The following KIAA1549 variants were observed in gnomAD, a reference collection of about 807,000 sequenced individuals.
The protein encoded by KIAA1549 is UPF0606 protein KIAA1549.
A neutral mutation model predicts 156.4 loss-of-function variants in KIAA1549; 70 were observed. That is an observed-to-expected ratio of 0.45 (90% CI 0.37 to 0.55). The LOEUF (loss-of-function observed/expected upper bound fraction) is 0.55. Ranked by LOEUF, KIAA1549 falls within the 20% of genes least tolerant of loss-of-function variation. KIAA1549 has a pLI of 0.00. For missense variants in KIAA1549, 2,428 were observed against 2,540.9 expected (o/e 0.96, Z 0.96); for synonymous variants, 1,103 against 1,066.4 (o/e 1.03, Z -0.67).
In KIAA1549 at chr7:138,866,960, G is replaced by A. The variant is rs1027627526; in HGVS notation, c.4929+1015C>T. Among the ~76,000 whole-genome samples, 3 of 151,546 alleles carry A rather than the reference G, an allele frequency of 2.0e-5. No homozygotes were observed. In the East Asian group the frequency reaches 5.8e-4, roughly 29 times the overall value. ...TGGGATTACAGGCATGCACCACCACGCCTGGCTAATTTCTGTATTTTTTGG... is the reference window on the plus strand; with the variant it reads ...TGGGATTACAGGCATGCACCACCACACCTGGCTAATTTCTGTATTTTTTGG... On this transcript the variant is annotated intron_variant, in intron 15 of 19. Coordinates refer to ENST00000422774, the MANE Select transcript of KIAA1549 (RefSeq NM_001164665.2).
intron 17 of KIAA1549, among the ~76,000 whole-genome samples, chr7:138,849,338 G>A (rs1226078480): frequency 1.3e-5 from 2 of 151,718 alleles, no homozygotes; most frequent in Admixed American, 6.6e-5. Context: ...TCAATGCTTA[G>A]ATCACTGATT....
chr7:138,856,289 C>T (rs1810390571), intron 16 of KIAA1549, among the ~76,000 whole-genome samples: 2 of 151,748 alleles, frequency 1.3e-5, no homozygotes, highest in Non-Finnish European at 2.9e-5. Flanking sequence ...CCACCCACAT[C>T]GGCCTCCCAC....
At position 138,852,277 on chromosome 7, in the gene KIAA1549, A is replaced by G. The variant is rs776049014; in HGVS notation, c.5248-8T>C. ...TCCATAGTCTTCGTATCTCTGGAAG[A>G]CATACAAAAGAACATGAAGATTAAT... On this transcript the variant is annotated splice_region_variant and splice_polypyrimidine_tract_variant and intron_variant, in intron 16 of 19. Transcript: ENST00000422774. The G allele has an allele frequency of 1.3e-5, 20 of 1,594,852 alleles. No individual in the cohort carries two copies. Among genetic ancestry groups the G allele is most frequent in the Non-Finnish European group, 1.7e-5 (20 of 1,167,018 alleles).
chr7:138,912,176 G>A (rs992560092), intron 3 of KIAA1549, among the ~76,000 whole-genome samples, 196 bp downstream of exon 3: 2 of 152,208 alleles, frequency 1.3e-5, no homozygotes, highest in African/African-American at 4.8e-5. Context: ...CCTCATGTGG[G>A]ATCAGGAAAG....
intron 3 of KIAA1549, 43 bp downstream of exon 3, chr7:138,912,329 C>T (rs1180761978): frequency 1.2e-5 from 17 of 1,456,750 alleles, no homozygotes; most frequent in Non-Finnish European, 1.5e-5. Context: ...CACATCAGCC[C>T]CAGTCTCACC....
At position 138,835,160 on chromosome 7, in the gene KIAA1549, G is replaced by A. The variant is rs1252316891; in HGVS notation, c.*2746C>T. 5 of 219,552 alleles carry A rather than the reference G, an allele frequency of 2.3e-5. No homozygotes were observed. The highest frequency in any genetic ancestry group is 1.4e-3 in the Middle Eastern group (1 of 716). The allele number at this position is 219,552 out of a possible 1,614,324, so 13.6% of individuals were successfully genotyped here. On this transcript the variant is annotated 3_prime_UTR_variant, in exon 20 of 20. Transcript: ENST00000422774. The stretch of plus-strand genomic sequence containing the variant: ...AGGACCCTTCCTTTCAGTGGATGAC[G>A]TGAACTTAATGTCTGAAGACCGCTA...
At chr7:138,840,516 G>T (rs188954062) in intron 18 of KIAA1549, among the ~76,000 whole-genome samples, 1 of 151,956 alleles carries the variant, frequency 6.6e-6, no homozygotes, top group African/African-American at 2.4e-5. Context: ...AATGTACCAC[G>T]AAGCACCGTG....
rs576493282 is a variant in KIAA1549 at position 138,904,158 on chromosome 7, C to T, written c.3521-422G>A. 3.3e-5 allele frequency among the ~76,000 whole-genome samples: 5 copies of T among 152,326 alleles called. No homozygotes were observed. In the South Asian group the frequency reaches 1.0e-3, roughly 32 times the overall value. On this transcript the variant is annotated intron_variant, in intron 7 of 19. Coordinates refer to ENST00000422774, the MANE Select transcript of KIAA1549 (RefSeq NM_001164665.2). The stretch of plus-strand genomic sequence containing the variant: ...TCATTGTCTTGCCTTGAGACTTGGA[C>T]TCACAAACTAACTTGAAAAAAGGAA...
At chr7:138,854,988 A>C (rs1810343081) in intron 16 of KIAA1549, among the ~76,000 whole-genome samples, 1 of 152,208 alleles carries the variant, frequency 6.6e-6, no homozygotes, top group African/African-American at 2.4e-5. Flanking sequence ...GGAAACAAAC[A>C]AACAAAACGA....
intron 1 of KIAA1549, among the ~76,000 whole-genome samples, chr7:138,936,095 T>C (rs1244716380): frequency 1.3e-5 from 2 of 152,256 alleles, no homozygotes; most frequent in South Asian, 2.1e-4. Flanking sequence ...CACACAGATA[T>C]GCATGGTTGA....
At chr7:138,903,458 G>T in intron 8 of KIAA1549, 130 bp downstream of exon 8, 1 of 947,422 alleles carries the variant, frequency 1.1e-6, no homozygotes, top group Non-Finnish European at 1.5e-6. Flanking sequence ...GCGATCAGTG[G>T]AAATCAGAAA....
intron 16 of KIAA1549, among the ~76,000 whole-genome samples, chr7:138,859,272 G>T (rs1226271454): frequency 6.6e-6 from 1 of 151,928 alleles, no homozygotes; most frequent in East Asian, 1.9e-4. Context: ...TACCCTTCCA[G>T]CCTCATTTAC....
At chr7:138,866,460 T>C (rs1584714681) in intron 15 of KIAA1549, among the ~76,000 whole-genome samples, 1 of 152,184 alleles carries the variant, frequency 6.6e-6, no homozygotes, top group African/African-American at 2.4e-5. Flanking sequence ...CCATCGCAAA[T>C]CCCTTCTCAA....
intron 18 of KIAA1549, among the ~76,000 whole-genome samples, chr7:138,844,068 T>C (rs924143203): frequency 6.6e-6 from 1 of 152,124 alleles, no homozygotes; most frequent in South Asian, 2.1e-4. Flanking sequence ...TTTGGAAACG[T>C]TTTTCCTGGA....
chr7:138,914,630 G>GT (rs768904649), intron 2 of KIAA1549, among the ~76,000 whole-genome samples: 1 of 152,096 alleles, frequency 6.6e-6, no homozygotes, highest in Non-Finnish European at 1.5e-5. Flanking sequence ...CTAAGCAAAG[G>GT]TAAGAAATGA....
At chr7:138,853,490 T>C (rs1337747919) in intron 16 of KIAA1549, among the ~76,000 whole-genome samples, 4 of 152,198 alleles carry the variant, frequency 2.6e-5, no homozygotes, top group Admixed American at 2.6e-4. Flanking sequence ...ATATCTATTT[T>C]GTGAGGGGAA....
In KIAA1549 at chr7:138,832,481, G is replaced by A. The variant is rs1035100197; in HGVS notation, c.*5425C>T. ...CCCAAAGCGTTGAGATTAGAGGCTT[G>A]AGCCACCATGCCCAGCCTATTCACT... On this transcript the variant is annotated 3_prime_UTR_variant, in exon 20 of 20. Transcript: ENST00000422774. 1 of 195,552 alleles carries A rather than the reference G, an allele frequency of 5.1e-6. No homozygotes were observed. Among genetic ancestry groups the A allele is most frequent in the Non-Finnish European group, 1.1e-5 (1 of 94,082 alleles). The allele number at this position is 195,552 out of a possible 1,614,324, so 12.1% of individuals were successfully genotyped here.
At chr7:138,922,348 T>G (rs939624251) in intron 1 of KIAA1549, among the ~76,000 whole-genome samples, 2 of 152,134 alleles carry the variant, frequency 1.3e-5, no homozygotes, top group Non-Finnish European at 2.9e-5. Context: ...CAGCTAGAGT[T>G]GCAGAGCACA....
Position 138,833,362 on chromosome 7 carries a change from C to T in KIAA1549, c.*4544G>A, listed in dbSNP as rs534176990. 9 of 232,644 alleles carry T rather than the reference C, an allele frequency of 3.9e-5. No individual in the cohort carries two copies. The South Asian group carries it at 1.3e-3, about 33-fold the overall frequency. 14.4% of individuals were successfully genotyped at this position (232,644 alleles called of 1,614,324 possible). A position where few individuals can be genotyped will look rare whatever the true frequency, so the allele number is the denominator to read the frequency against. ...GCACTGCAAATCAGTGTCCGAATGA[C>T]TGGCTTGGTCACTGGAACACTTAGA... On this transcript the variant is annotated 3_prime_UTR_variant, in exon 20 of 20. Coordinates refer to ENST00000422774, the MANE Select transcript of KIAA1549 (RefSeq NM_001164665.2).
Sources: allele counts gnomAD v4.1 joint callset (sites outside exome capture counted in the v4.1 genomes callset), GRCh38; gene constraint gnomAD v4.1.1; transcripts MANE v1.5; gene names NCBI Gene and HGNC (gene_info 2026-07-23, HGNC 2026-07-21).